Variants in RSU1 observed in about 807,000 individuals in gnomAD.
RSU1 encodes Ras suppressor protein 1.
RSU1 carries 26 observed loss-of-function variants against 31.1 expected under a neutral mutation model. The observed-to-expected ratio is 0.84, with a 90% CI of 0.61 to 1.16. The LOEUF (loss-of-function observed/expected upper bound fraction) is 1.16. RSU1 is among the 50% of genes most tolerant of loss of function. The pLI, the probability that RSU1 is intolerant of heterozygous loss-of-function variation, is 0.00. For missense variants in RSU1, 320 were observed against 339.1 expected, an observed-to-expected ratio of 0.94 and a Z score of 0.44; for synonymous variants, 164 against 136.3, an observed-to-expected ratio of 1.20 and a Z score of -1.41.
chr10:16,769,064 T>G (rs1411908880), intron 3 of RSU1, among the ~76,000 whole-genome samples: 2 of 152,152 alleles, frequency 1.3e-5, no homozygotes, highest in Non-Finnish European at 2.9e-5. Context: ...CAACAATCAA[T>G]CAGCTCAAGA....
chr10:16,687,886 A>T (rs992425936), intron 8 of RSU1, among the ~76,000 whole-genome samples: 2 of 151,510 alleles, frequency 1.3e-5, no homozygotes, highest in Non-Finnish European at 2.9e-5. Flanking sequence ...TGCCCGGCTA[A>T]TTTTTTTTCA....
intron 8 of RSU1, among the ~76,000 whole-genome samples, chr10:16,623,400 T>C (rs759173061): frequency 1.3e-5 from 2 of 152,198 alleles, no homozygotes; most frequent in African/African-American, 2.4e-5. Context: ...CAGTGGTATA[T>C]ATGCATCACA....
chr10:16,714,608 G>T (rs1306504210), intron 7 of RSU1, among the ~76,000 whole-genome samples: 1 of 152,044 alleles, frequency 6.6e-6, no homozygotes, highest in South Asian at 2.1e-4. Flanking sequence ...CCTGGGGGGT[G>T]GGGGGATGTG....
At chr10:16,800,608 CGT>C (rs1491537504) in intron 2 of RSU1, among the ~76,000 whole-genome samples, 1 of 152,012 alleles carries the variant, frequency 6.6e-6, no homozygotes, top group African/African-American at 2.4e-5. Context: ...TTACAAAAGG[CGT>C]AACAGGCATG....
intron 8 of RSU1, among the ~76,000 whole-genome samples, chr10:16,624,430 G>C (rs1010463305): frequency 3.3e-5 from 5 of 151,948 alleles, no homozygotes; most frequent in African/African-American, 1.2e-4. Flanking sequence ...CCCAGTTCTA[G>C]CCATCCCAAC....
intron 7 of RSU1, among the ~76,000 whole-genome samples, chr10:16,707,790 T>C (rs1835936354): frequency 6.6e-6 from 1 of 152,148 alleles, no homozygotes; most frequent in Non-Finnish European, 1.5e-5. Flanking sequence ...AAAACCCTTC[T>C]CCAGGTCAAT....
chr10:16,699,091 C>T (rs1835736191), intron 7 of RSU1, among the ~76,000 whole-genome samples: 1 of 152,142 alleles, frequency 6.6e-6, no homozygotes, highest in African/African-American at 2.4e-5. Context: ...GCCATGAAAC[C>T]CAGGTATAAT....
chr10:16,653,554 A>G (rs546958155), intron 8 of RSU1, among the ~76,000 whole-genome samples: 173 of 152,218 alleles, frequency 1.1e-3, no homozygotes, highest in African/African-American at 3.8e-3. Flanking sequence ...TTTCTTAAAT[A>G]TTCATTCACT....
intron 3 of RSU1, among the ~76,000 whole-genome samples, chr10:16,774,517 C>A (rs564433325): frequency 6.6e-6 from 1 of 152,242 alleles, no homozygotes; most frequent in East Asian, 1.9e-4. Context: ...TTGCAGTGAG[C>A]CGAAATCACG....
chr10:16,619,923 A>G (rs1009025703), intron 8 of RSU1, among the ~76,000 whole-genome samples: 5 of 152,196 alleles, frequency 3.3e-5, no homozygotes, highest in African/African-American at 9.6e-5. Context: ...CATCCAAGGT[A>G]CTTAAAAAAA....
intron 5 of RSU1, among the ~76,000 whole-genome samples, chr10:16,753,963 G>A (rs1207186312): frequency 6.6e-6 from 1 of 152,034 alleles, no homozygotes; most frequent in Non-Finnish European, 1.5e-5. Context: ...GTCTCTCTAT[G>A]TTGCCCAGGC....
intron 8 of RSU1, among the ~76,000 whole-genome samples, chr10:16,626,627 A>G (rs1020501632): frequency 3.9e-5 from 6 of 152,014 alleles, no homozygotes; most frequent in Admixed American, 3.9e-4. Flanking sequence ...CTGAATCCCA[A>G]CTCCTCTACC....
At chr10:16,770,095 G>GC (rs1256534738) in intron 3 of RSU1, among the ~76,000 whole-genome samples, 4 of 152,218 alleles carry the variant, frequency 2.6e-5, no homozygotes, top group East Asian at 3.9e-4. Flanking sequence ...AACCCTAATG[G>GC]CAGGATGCTG....
chr10:16,702,569 C>A (rs903215068), intron 7 of RSU1, among the ~76,000 whole-genome samples: 1 of 152,208 alleles, frequency 6.6e-6, no homozygotes, highest in Non-Finnish European at 1.5e-5. Flanking sequence ...TAATGACTGC[C>A]GTGCTGGGTT....
chr10:16,798,287 T>G (rs936047650), intron 2 of RSU1, among the ~76,000 whole-genome samples: 2 of 152,102 alleles, frequency 1.3e-5, no homozygotes, highest in African/African-American at 4.8e-5. Flanking sequence ...AGACTAAAAA[T>G]CACAATAAAA....
chr10:16,603,786 A>T (rs1433133621), intron 8 of RSU1, among the ~76,000 whole-genome samples: 1 of 152,254 alleles, frequency 6.6e-6, no homozygotes. Context: ...TCATTTTAGT[A>T]CTTGGCATCT....
chr10:16,602,407 G>C (rs1833728038), intron 8 of RSU1, among the ~76,000 whole-genome samples: 1 of 152,210 alleles, frequency 6.6e-6, no homozygotes, highest in Non-Finnish European at 1.5e-5. Context: ...TGAGGAAATT[G>C]AGGCTTAGCA....
At chr10:16,717,643 TA>T (rs1334362036) in intron 7 of RSU1, among the ~76,000 whole-genome samples, 1 of 152,132 alleles carries the variant, frequency 6.6e-6, no homozygotes, top group Non-Finnish European at 1.5e-5. Flanking sequence ...CCAAAGCTAA[TA>T]TAAATAAAGG....
intron 7 of RSU1, among the ~76,000 whole-genome samples, chr10:16,710,063 G>C (rs1835986087): frequency 6.6e-6 from 1 of 152,146 alleles, no homozygotes; most frequent in South Asian, 2.1e-4. Flanking sequence ...ATGTTGAACA[G>C]AAGTAGCAGA....
Sources: gnomAD v4.1 joint callset for allele counts (sites outside exome capture counted in the v4.1 genomes callset) on GRCh38, gnomAD v4.1.1 for gene constraint, MANE v1.5 for transcripts, NCBI Gene and HGNC (gene_info 2026-07-23, HGNC 2026-07-21) for gene names.